TTC7A: variants seen among roughly 807,000 people sequenced by gnomAD.
The protein encoded by TTC7A is tetratricopeptide repeat domain 7A, also known as tetratricopeptide repeat protein 7A.
Under a neutral mutation model 103.7 loss-of-function variants are expected in TTC7A, and 110 were observed. That is an observed-to-expected ratio of 1.06 (90% confidence interval 0.91 to 1.24). TTC7A has a LOEUF of 1.24. Ranked by LOEUF, TTC7A falls within the 50% of genes most tolerant of loss-of-function variation. The probability of loss-of-function intolerance (pLI) is 0.00; values close to 1 mark genes in which losing one functional copy is unlikely to be tolerated. For missense variants in TTC7A, 1,340 were observed against 1,116.3 expected (o/e 1.20, Z -2.86); for synonymous variants, 521 against 467.9 (o/e 1.11, Z -1.47).
At chr2:46,982,482 G>T (rs2104299572) in intron 5 of TTC7A, among the ~76,000 whole-genome samples, 1 of 152,322 alleles carries the variant, frequency 6.6e-6, no homozygotes, top group African/African-American at 2.4e-5. Context: ...CAGCTGTGAA[G>T]TCAGCACACC....
Position 46,970,552 on chromosome 2 carries a change from G to A in TTC7A, c.518-4421G>A, listed in dbSNP as rs182713195. On this transcript the variant is annotated intron_variant, in intron 3 of 19. Coordinates refer to ENST00000319190, the MANE Select transcript of TTC7A (RefSeq NM_020458.4). ...GAGCCCAGCCTCAGCACATCTCTCCGGGGACTACAAGGCAGCTGTGTTGAA... is the reference window on the plus strand; with the variant it reads ...GAGCCCAGCCTCAGCACATCTCTCCAGGGACTACAAGGCAGCTGTGTTGAA... Among the ~76,000 whole-genome samples the A allele has an allele frequency of 2.1e-4, 32 of 152,338 alleles. 1 individual carries two copies. The highest frequency in any genetic ancestry group is 7.7e-4 in the East Asian group (4 of 5,184).
chr2:46,968,890 T>C (rs1187579727), intron 3 of TTC7A, among the ~76,000 whole-genome samples: 1 of 152,014 alleles, frequency 6.6e-6, no homozygotes, highest in East Asian at 1.9e-4. Context: ...TTGGGCTCTT[T>C]TCTAATTGGT....
In TTC7A at chr2:47,044,594, A is replaced by G. The variant is rs114077265; in HGVS notation, c.1803-1721A>G. On this transcript the variant is annotated intron_variant, in intron 15 of 19. Coordinates refer to ENST00000319190, the MANE Select transcript of TTC7A (RefSeq NM_020458.4). ...GTGGTCGTTAGTTCTATGTTCCAAG[A>G]TGGGTGCAGGGCATCCTAAGAATTG... Among the ~76,000 whole-genome samples the G allele has an allele frequency of 2.6e-3, 396 of 152,280 alleles. 1 individual carries two copies. The highest frequency in any genetic ancestry group is 9.0e-3 in the African/African-American group (372 of 41,544).
rs192881281 is a variant in TTC7A, at chr2:47,061,292, T to C, written c.2355+321T>C. ...GCAAAGGGATCTAGCCCCAAAAGGC[T>C]CTCATTGTTAACCATCAGACCCTTG... On this transcript the variant is annotated intron_variant, in intron 19 of 19. Coordinates refer to ENST00000319190, the MANE Select transcript of TTC7A (RefSeq NM_020458.4). Among the ~76,000 whole-genome samples the C allele has an allele frequency of 2.7e-3, 410 of 152,320 alleles. 3 individuals carry two copies. The highest frequency in any genetic ancestry group is 9.5e-3 in the African/African-American group (397 of 41,574).
rs58517631 is a variant in TTC7A at position 46,950,338 on chromosome 2, C to T, written c.185-25C>T. The T allele has an allele frequency of 1.9e-3, 3,046 of 1,613,100 alleles. 53 individuals carry two copies. The African/African-American group carries it at 0.034, about 18-fold the overall frequency. ...TATCCGCCTTGTTCGGGGTTTGCTGCTCTGACCCCTACTTTGCTTTTCAGA... is the reference window on the plus strand; with the variant it reads ...TATCCGCCTTGTTCGGGGTTTGCTGTTCTGACCCCTACTTTGCTTTTCAGA... On this transcript the variant is annotated intron_variant, in intron 1 of 19. Coordinates refer to ENST00000319190, the MANE Select transcript of TTC7A (RefSeq NM_020458.4).
chr2:47,006,760 C>T (rs1677453589), intron 10 of TTC7A, 36 bp downstream of exon 10: 1 of 1,505,674 alleles, frequency 6.6e-7, no homozygotes. Flanking sequence ...TGCACACTCA[C>T]CCGCAGGGGG....
At chr2:46,923,645 ATCT>A (rs1420020645) in intron 2 of TTC7A, among the ~76,000 whole-genome samples, 2 of 152,066 alleles carry the variant, frequency 1.3e-5, no homozygotes, top group African/African-American at 2.4e-5. Flanking sequence ...TAATCCTAAC[ATCT>A]TGGGAGGCCG....
At chr2:47,063,186 A>G (rs567211210) in intron 19 of TTC7A, among the ~76,000 whole-genome samples, 1 of 152,164 alleles carries the variant, frequency 6.6e-6, no homozygotes, top group Non-Finnish European at 1.5e-5. Context: ...CACTTGGGGG[A>G]CTTAGGAAAA....
At chr2:47,065,584 T>C (rs915035349) in intron 19 of TTC7A, among the ~76,000 whole-genome samples, 2 of 152,220 alleles carry the variant, frequency 1.3e-5, no homozygotes, top group Admixed American at 6.5e-5. Context: ...TATAAATTTA[T>C]ATCCTGCTTT....
At chr2:46,987,204 G>T (rs2104337583) in intron 5 of TTC7A, among the ~76,000 whole-genome samples, 1 of 152,346 alleles carries the variant, frequency 6.6e-6, no homozygotes, top group Middle Eastern at 3.4e-3. Flanking sequence ...GTGGACTCTG[G>T]TTGGAGCCTC....
chr2:46,978,709 G>T, intron 4 of TTC7A, 83 bp from the exon 5 acceptor site: 1 of 1,047,506 alleles, frequency 9.5e-7, no homozygotes, highest in Non-Finnish European at 1.5e-6. Flanking sequence ...GACTGGGATG[G>T]TGATGAGGCC....
chr2:47,053,530 T>TTTTA (rs1159683833), intron 18 of TTC7A, among the ~76,000 whole-genome samples: 9 of 138,748 alleles, frequency 6.5e-5, no homozygotes, highest in Admixed American at 5.1e-4. Context: ...TGGTGGGTTT[T>TTTTA]TTTGTTTGTT....
At chr2:46,960,212 C>T (rs1281088818) in intron 3 of TTC7A, among the ~76,000 whole-genome samples, 2 of 152,188 alleles carry the variant, frequency 1.3e-5, no homozygotes, top group African/African-American at 4.8e-5. Context: ...CTGGTCCTGC[C>T]TTCAGCTGCT....
chr2:46,943,520 A>G (rs1572679373), intron 1 of TTC7A, among the ~76,000 whole-genome samples: 1 of 152,208 alleles, frequency 6.6e-6, no homozygotes, highest in Non-Finnish European at 1.5e-5. Context: ...ATCACAAAGC[A>G]TGCACTCACA....
chr2:47,060,839 C>T lies in TTC7A; in HGVS notation c.2223C>T (p.Phe741=), dbSNP rs548516149. The part of the protein sequence containing the change: ...GFCIQEAAGL[F]PTSHSVLYMR... The stretch of plus-strand genomic sequence containing the variant: ...GCATCCAGGAGGCGGCGGGCCTCTT[C>T]CCCACTTCTCACTCAGTACTCTATA... Residue 741 remains phenylalanine (F), a synonymous_variant, in exon 19 of 20, where the codon TTC becomes TTT. Coordinates refer to ENST00000319190, the MANE Select transcript of TTC7A (RefSeq NM_020458.4). 4 of 1,614,004 alleles carry T rather than the reference C, an allele frequency of 2.5e-6. No individual in the cohort carries two copies. In the South Asian group the frequency reaches 4.4e-5, roughly 18 times the overall value.
intron 2 of TTC7A, among the ~76,000 whole-genome samples, chr2:46,933,925 G>C (rs1028134674): frequency 4.6e-5 from 7 of 152,130 alleles, no homozygotes; most frequent in Non-Finnish European, 5.9e-5. Context: ...TGAAAGAAGA[G>C]GCCAGAGTGG....
At chr2:46,943,507 A>G (rs1289910372) in intron 1 of TTC7A, among the ~76,000 whole-genome samples, 1 of 133,340 alleles carries the variant, frequency 7.5e-6, no homozygotes, top group Non-Finnish European at 1.5e-5. Context: ...ATCCAGATAC[A>G]CTATCACAAA....
At chr2:46,927,209 G>A (rs1270562754) in intron 2 of TTC7A, among the ~76,000 whole-genome samples, 2 of 151,554 alleles carry the variant, frequency 1.3e-5, no homozygotes, top group Non-Finnish European at 2.9e-5. Flanking sequence ...AAATTTTCCA[G>A]AACCAATGAA....
chr2:47,039,652 C>G (rs1188141569), intron 15 of TTC7A, among the ~76,000 whole-genome samples: 6 of 152,234 alleles, frequency 3.9e-5, no homozygotes, highest in Non-Finnish European at 8.8e-5. Flanking sequence ...TTTCTCTTTG[C>G]CTCACATGGG....
Sources: allele counts gnomAD v4.1 joint callset (sites outside exome capture counted in the v4.1 genomes callset), GRCh38; gene constraint gnomAD v4.1.1; transcripts MANE v1.5; gene names NCBI Gene and HGNC (gene_info 2026-07-23, HGNC 2026-07-21).